Variants in TMPRSS11E observed in about 807,000 individuals in gnomAD.
The protein encoded by TMPRSS11E is transmembrane protease serine 11E.
A neutral mutation model predicts 48.1 loss-of-function variants in TMPRSS11E; 38 were observed. The ratio of observed to expected loss-of-function variants is 0.79; its 90% CI spans 0.61 to 1.04. TMPRSS11E has a LOEUF of 1.04. TMPRSS11E is among the 50% of genes least tolerant of loss of function. The pLI, the probability that TMPRSS11E is intolerant of heterozygous loss-of-function variation, is 0.00. For synonymous variants in TMPRSS11E, 158 were observed against 171.9 expected, an observed-to-expected ratio of 0.92 and a Z score of 0.63; for missense variants, 530 against 510.8, an observed-to-expected ratio of 1.04 and a Z score of -0.36.
intron 9 of TMPRSS11E, among the ~76,000 whole-genome samples, chr4:68,486,494 C>T (rs1729558097): frequency 6.6e-6 from 1 of 152,068 alleles, no homozygotes; most frequent in Non-Finnish European, 1.5e-5. Flanking sequence ...GCACTGTGGT[C>T]TGAGAGTGTG....
chr4:68,470,392 A>G (rs1158664789), intron 4 of TMPRSS11E, among the ~76,000 whole-genome samples: 1 of 151,848 alleles, frequency 6.6e-6, no homozygotes, highest in Non-Finnish European at 1.5e-5. Context: ...GCATTGACAA[A>G]TATTCCTGAC....
intron 9 of TMPRSS11E, 55 bp from the exon 10 acceptor site, chr4:68,496,588 A>C: frequency 6.6e-7 from 1 of 1,511,264 alleles, no homozygotes; most frequent in Non-Finnish European, 8.9e-7. Flanking sequence ...AAAAATAGCC[A>C]ATTCCTCTGT....
intron 4 of TMPRSS11E, among the ~76,000 whole-genome samples, chr4:68,470,597 A>G (rs966896797): frequency 2.0e-5 from 3 of 151,846 alleles, no homozygotes; most frequent in African/African-American, 7.2e-5. Context: ...CAGATATTCA[A>G]ACTTATAATA....
At chr4:68,471,791 G>T (rs1002862700) in intron 5 of TMPRSS11E, among the ~76,000 whole-genome samples, 168 bp downstream of exon 5, 1 of 151,616 alleles carries the variant, frequency 6.6e-6, no homozygotes, top group Non-Finnish European at 1.5e-5. Flanking sequence ...TAATTTTTAA[G>T]ACTACCCTAA....
At chr4:68,495,163 G>A (rs1729832149) in intron 9 of TMPRSS11E, among the ~76,000 whole-genome samples, 1 of 152,086 alleles carries the variant, frequency 6.6e-6, no homozygotes, top group South Asian at 2.1e-4. Flanking sequence ...AGTGCTGGTA[G>A]AATAGACTCT....
At chr4:68,462,958 T>G (rs1452753036) in intron 2 of TMPRSS11E, among the ~76,000 whole-genome samples, 2 of 152,200 alleles carry the variant, frequency 1.3e-5, no homozygotes, top group Non-Finnish European at 2.9e-5. Flanking sequence ...CCTAGGGTTT[T>G]AATTACTTGA....
chr4:68,476,345 G>A lies in TMPRSS11E; in HGVS notation c.614G>A (p.Trp205Ter), dbSNP rs989459016. 21 of 1,614,044 alleles carry A rather than the reference G, an allele frequency of 1.3e-5. No homozygotes were observed. In the African/African-American group the frequency reaches 2.8e-4, roughly 22 times the overall value. ...GTEVEEGEWP[W>*]QASLQWDGSH... ...GAAGTAGAAGAGGGTGAATGGCCCTGGCAGGCTAGCCTGCAGTGGGATGGG... is the reference window on the plus strand; with the variant it reads ...GAAGTAGAAGAGGGTGAATGGCCCTAGCAGGCTAGCCTGCAGTGGGATGGG... The change falls in exon 7 of 10, where the codon TGG becomes TAG. Residue 205 changes from tryptophan (W) to a stop codon, truncating the protein, a stop_gained. Transcript: ENST00000305363. LOFTEE classifies it high-confidence loss of function.
At chr4:68,464,602 C>T (rs954582876) in intron 2 of TMPRSS11E, among the ~76,000 whole-genome samples, 1 of 152,136 alleles carries the variant, frequency 6.6e-6, no homozygotes, top group Non-Finnish European at 1.5e-5. Context: ...TTAACAGTGG[C>T]ATGCTTAAGT....
intron 2 of TMPRSS11E, among the ~76,000 whole-genome samples, chr4:68,464,387 G>C (rs1728873441): frequency 1.3e-5 from 2 of 152,242 alleles, no homozygotes; most frequent in Middle Eastern, 3.4e-3. Context: ...GGGGCCTTTG[G>C]GGGTGCATTT....
At position 68,478,976 on chromosome 4, in the gene TMPRSS11E, A is replaced by G; in HGVS notation, c.1095A>G (p.Lys365=). The G allele has an allele frequency of 1.9e-6, 3 of 1,613,684 alleles. No homozygotes were observed. Among genetic ancestry groups the G allele is most frequent in the Non-Finnish European group, 2.5e-6 (3 of 1,179,872 alleles). The change falls in exon 9 of 10, where the codon AAA becomes AAG. Residue 365 remains lysine (K), a synonymous_variant. Coordinates refer to ENST00000305363, the MANE Select transcript of TMPRSS11E (RefSeq NM_014058.4). ...RMLCAGSLEG[K]TDACQGDSGG... is the part of the protein sequence containing the mutation. ...TATGTGCTGGCTCCTTAGAAGGAAA[A>G]ACAGATGCATGCCAGGTAAACAGTT...
At chr4:68,477,224 CTTA>C (rs1729246824) in intron 7 of TMPRSS11E, 142 bp from the exon 8 acceptor site, 6 of 795,096 alleles carry the variant, frequency 7.5e-6, no homozygotes, top group Non-Finnish European at 1.2e-5. Context: ...AACCCTGAGC[CTTA>C]TTATCAAATT....
In TMPRSS11E at chr4:68,466,688, A is replaced by G; in HGVS notation, c.194A>G (p.Tyr65Cys). 7 of 1,613,618 alleles carry G rather than the reference A, an allele frequency of 4.3e-6. No homozygotes were observed. The highest frequency in any genetic ancestry group is 5.9e-6 in the Non-Finnish European group (7 of 1,179,560). Residue 65 changes from tyrosine (Y) to cysteine (C), a missense_variant, in exon 3 of 10, where the codon TAT (tyrosine) becomes TGT (cysteine). Transcript: ENST00000305363. ...STLSFTTDKL[Y>C]AEFGREASNN... ...TTGTCATTTACAACTGACAAACTAT[A>G]TGCTGAGTTTGGCAGAGAGGCTTCT...
At chr4:68,467,398 A>C (rs1049368102) in intron 3 of TMPRSS11E, among the ~76,000 whole-genome samples, 19 of 152,272 alleles carry the variant, frequency 1.2e-4, no homozygotes, top group Admixed American at 1.2e-3. Context: ...CCTAAGTGGT[A>C]ACTTCTTGTC....
intron 9 of TMPRSS11E, among the ~76,000 whole-genome samples, chr4:68,495,699 T>C (rs1729846319): frequency 6.6e-6 from 1 of 152,150 alleles, no homozygotes; most frequent in Non-Finnish European, 1.5e-5. Context: ...GGCTTCTGAA[T>C]TAGATCGCTC....
chr4:68,468,755 C>T, intron 3 of TMPRSS11E, 124 bp from the exon 4 acceptor site: 2 of 766,734 alleles, frequency 2.6e-6, no homozygotes, highest in South Asian at 1.5e-5. Context: ...CAGTTCCACT[C>T]ACTGTGAAAT....
At chr4:68,469,984 TA>T (rs1729020005) in intron 4 of TMPRSS11E, among the ~76,000 whole-genome samples, 1 of 151,972 alleles carries the variant, frequency 6.6e-6, no homozygotes, top group Non-Finnish European at 1.5e-5. Flanking sequence ...GTAATCTTGC[TA>T]CTGCTACTCA....
chr4:68,460,014 G>T (rs542287146), intron 1 of TMPRSS11E, among the ~76,000 whole-genome samples: 218 of 152,274 alleles, frequency 1.4e-3, no homozygotes, highest in African/African-American at 5.0e-3. Context: ...AGGAACAGGT[G>T]TTTGGAATTC....
chr4:68,448,223 A>G (rs549507214), intron 1 of TMPRSS11E, among the ~76,000 whole-genome samples: 4 of 152,046 alleles, frequency 2.6e-5, no homozygotes, highest in South Asian at 2.1e-4. Flanking sequence ...TCATATTGGC[A>G]TATCATTTTT....
At chr4:68,471,136 T>C (rs1175288780) in intron 4 of TMPRSS11E, among the ~76,000 whole-genome samples, 1 of 151,850 alleles carries the variant, frequency 6.6e-6, no homozygotes, top group Non-Finnish European at 1.5e-5. Context: ...AGTAGCAATA[T>C]AGAAGGAAAC....
Sources: gnomAD v4.1 joint callset for allele counts (sites outside exome capture counted in the v4.1 genomes callset) on GRCh38, gnomAD v4.1.1 for gene constraint, MANE v1.5 for transcripts, NCBI Gene and HGNC (gene_info 2026-07-23, HGNC 2026-07-21) for gene names.